Variants in PANK1 observed in about 807,000 individuals in gnomAD.
The protein encoded by PANK1 is pantothenate kinase 1.
PANK1 carries 18 observed loss-of-function variants against 40.1 expected under a neutral mutation model. The ratio of observed to expected loss-of-function variants is 0.45; its 90% CI spans 0.31 to 0.67. The LOEUF (loss-of-function observed/expected upper bound fraction) is 0.67, where lower values mean the gene tolerates loss of function less well. Ranked by LOEUF, PANK1 falls within the 30% of genes least tolerant of loss-of-function variation. The probability of loss-of-function intolerance (pLI) is 0.06; values close to 1 mark genes in which losing one functional copy is unlikely to be tolerated. For missense variants in PANK1, 457 were observed against 599.6 expected (o/e 0.76, Z 2.48); for synonymous variants, 242 against 237.7 (o/e 1.02, Z -0.17).
In PANK1 at chr10:89,593,863, G is replaced by A. The variant is rs1271037965; in HGVS notation, c.1026C>T (p.Tyr342=). Residue 342 remains tyrosine, a synonymous_variant, in exon 4 of 7, where the codon TAC becomes TAT. Coordinates refer to ENST00000307534, the MANE Select transcript of PANK1 (RefSeq NM_148977.3). ...GGCCAAATCGTTCATAGTCTCCTCC[G>A]TAAATGTCCTTCACCAGTTTATCAA... ...TNVDKLVKDI[Y]GGDYERFGLQ... The A allele has an allele frequency of 1.1e-5, 18 of 1,613,650 alleles. No homozygotes were observed. The highest frequency in any genetic ancestry group is 4.5e-5 in the East Asian group (2 of 44,892).
intron 2 of PANK1, among the ~76,000 whole-genome samples, chr10:89,606,510 C>T (rs1488088968): frequency 6.6e-6 from 1 of 152,090 alleles, no homozygotes; most frequent in Non-Finnish European, 1.5e-5. Flanking sequence ...ACAACCTCTG[C>T]TACCTTCCCA....
intron 1 of PANK1, among the ~76,000 whole-genome samples, chr10:89,628,664 G>A (rs1589810333): frequency 6.6e-6 from 1 of 152,296 alleles, no homozygotes; most frequent in Non-Finnish European, 1.5e-5. Context: ...GAAATACATG[G>A]TGAATGTGAA....
chr10:89,599,044 A>C (rs1219420437), intron 3 of PANK1: 4 of 530,284 alleles, frequency 7.5e-6, no homozygotes, highest in Non-Finnish European at 1.3e-5. Flanking sequence ...ACCTGACCAA[A>C]GTTTCTATCA....
chr10:89,595,830 AAAAATATATATATATATATATATATAT>A (rs1844564293), intron 3 of PANK1, among the ~76,000 whole-genome samples: 1 of 66,576 alleles, frequency 1.5e-5, no homozygotes, highest in Non-Finnish European at 2.6e-5. Flanking sequence ...AAAAAAAAAA[AAAAATATATATATATATATATATATAT>A]ATATATATAT....
chr10:89,636,400 G>A (rs901025458), intron 1 of PANK1, among the ~76,000 whole-genome samples: 13 of 151,774 alleles, frequency 8.6e-5, no homozygotes, highest in Middle Eastern at 3.4e-3. Context: ...GCAGTGGCGC[G>A]ATCTCAGCTC....
At chr10:89,633,867 G>T (rs1243373233) in intron 1 of PANK1, among the ~76,000 whole-genome samples, 1 of 152,146 alleles carries the variant, frequency 6.6e-6, no homozygotes, top group Non-Finnish European at 1.5e-5. Flanking sequence ...ACTACCCCAA[G>T]AAGTCATCCT....
chr10:89,644,994 A>C lies in PANK1; in HGVS notation c.-103T>G. Reference sequence around the variant, plus strand: ...CCCCGGATCCTCCCTGCGGCTTCCGATTCAGCAGCCGCAGAGCCGGCGCCT... The same window carrying C: ...CCCCGGATCCTCCCTGCGGCTTCCGCTTCAGCAGCCGCAGAGCCGGCGCCT... On this transcript the variant is annotated 5_prime_UTR_variant, in exon 1 of 7. Coordinates refer to ENST00000307534, the MANE Select transcript of PANK1 (RefSeq NM_148977.3). 6.4e-7 allele frequency: 1 copy of C among 1,571,026 alleles called. No homozygotes were observed.
intron 1 of PANK1, among the ~76,000 whole-genome samples, chr10:89,641,095 T>A (rs1363774620): frequency 6.6e-6 from 1 of 152,156 alleles, no homozygotes; most frequent in African/African-American, 2.4e-5. Context: ...AATACTAGAG[T>A]GTGCTCCTGC....
Position 89,644,835 on chromosome 10 carries a change from G to T in PANK1, c.57C>A (p.Pro19=), listed in dbSNP as rs1300341149. The change falls in exon 1 of 7, where the codon CCC becomes CCA. Residue 19 remains proline, a synonymous_variant. Transcript: ENST00000307534. ...TCACAGCGGCGGCGCTGGTGCCCAC[G>T]GGGGCCCCTGGAGAGTGCGGGACCG... is the stretch of plus-strand genomic sequence containing the variant. ...ERSVPHSPGA[P]VGTSAAAVNG... is the part of the protein sequence containing the mutation. 3 of 1,458,504 alleles carry T rather than the reference G, an allele frequency of 2.1e-6. No individual in the cohort carries two copies. Among genetic ancestry groups the T allele is most frequent in the South Asian group, 2.9e-5 (2 of 70,146 alleles). 90.3% of individuals were successfully genotyped at this position (1,458,504 alleles called of 1,614,324 possible).
intron 1 of PANK1, among the ~76,000 whole-genome samples, chr10:89,636,648 TC>T (rs1464725845): frequency 1.3e-5 from 2 of 149,818 alleles, no homozygotes; most frequent in Non-Finnish European, 3.0e-5. Flanking sequence ...AGACGGTGTT[TC>T]ACAGTGTTAG....
At chr10:89,636,867 CTT>C (rs1251842783) in intron 1 of PANK1, among the ~76,000 whole-genome samples, 1 of 143,132 alleles carries the variant, frequency 7.0e-6, no homozygotes, top group Non-Finnish European at 1.5e-5. Flanking sequence ...GAGCACCCCT[CTT>C]TTTTTTTTTT....
At chr10:89,633,616 C>G (rs1201316853) in intron 1 of PANK1, among the ~76,000 whole-genome samples, 1 of 151,946 alleles carries the variant, frequency 6.6e-6, no homozygotes. Context: ...CTGACTCACA[C>G]ACAGGGTTTA....
intron 6 of PANK1, among the ~76,000 whole-genome samples, chr10:89,587,872 A>G (rs1232723529): frequency 6.6e-6 from 1 of 152,356 alleles, no homozygotes. Flanking sequence ...TTATGAATAC[A>G]ATGTGAAATA....
At chr10:89,643,901 T>G (rs954012849) in intron 1 of PANK1, 1 of 1,397,336 alleles carries the variant, frequency 7.2e-7, no homozygotes, top group Non-Finnish European at 9.3e-7. Context: ...CTTTCTCCGG[T>G]GTACATTACA....
intron 1 of PANK1, among the ~76,000 whole-genome samples, chr10:89,642,888 C>T (rs1309841167): frequency 6.6e-6 from 1 of 152,142 alleles, no homozygotes; most frequent in Non-Finnish European, 1.5e-5. Flanking sequence ...GGTCATGAAA[C>T]TTAAAACAAC....
At chr10:89,612,621 T>C (rs1410297323) in intron 1 of PANK1, among the ~76,000 whole-genome samples, 1 of 152,118 alleles carries the variant, frequency 6.6e-6, no homozygotes, top group Non-Finnish European at 1.5e-5. Context: ...CTATACAGTG[T>C]ATAGAAAGGG....
chr10:89,605,740 A>G (rs1201302681), intron 2 of PANK1, among the ~76,000 whole-genome samples: 1 of 152,188 alleles, frequency 6.6e-6, no homozygotes, highest in African/African-American at 2.4e-5. Context: ...TCTTAATGGC[A>G]TCTAGAATAG....
At chr10:89,642,642 T>C (rs1483531158) in intron 1 of PANK1, among the ~76,000 whole-genome samples, 1 of 152,220 alleles carries the variant, frequency 6.6e-6, no homozygotes, top group Non-Finnish European at 1.5e-5. Context: ...TATCAACTGA[T>C]TGGACAATAT....
At chr10:89,616,542 T>C (rs943126) in intron 1 of PANK1, among the ~76,000 whole-genome samples, 103,416 of 151,912 alleles carry the variant, frequency 0.68, 35,405 homozygotes, top group South Asian at 0.83. Flanking sequence ...TCTCTTGAAC[T>C]CAGGAGGTCA....
Sources: allele counts gnomAD v4.1 joint callset (sites outside exome capture counted in the v4.1 genomes callset), GRCh38; gene constraint gnomAD v4.1.1; transcripts MANE v1.5; gene names NCBI Gene and HGNC (gene_info 2026-07-23, HGNC 2026-07-21).